LRRC4C: variants seen among roughly 807,000 people sequenced by gnomAD.
LRRC4C encodes the protein leucine rich repeat containing 4C.
LRRC4C carries 5 observed loss-of-function variants against 33.6 expected under a neutral mutation model. That is an observed-to-expected ratio of 0.15 (90% CI 0.08 to 0.31). The LOEUF is 0.31. LRRC4C is among the 10% of genes least tolerant of loss of function. The pLI, the probability that LRRC4C is intolerant of heterozygous loss-of-function variation, is 1.00. For missense variants in LRRC4C, 560 were observed against 796.7 expected, an observed-to-expected ratio of 0.70 and a Z score of 3.58; for synonymous variants, 329 against 302.0, an observed-to-expected ratio of 1.09 and a Z score of -0.93.
intron 2 of LRRC4C, among the ~76,000 whole-genome samples, chr11:40,698,609 T>G (rs1339659433): frequency 1.3e-5 from 2 of 152,004 alleles, no homozygotes; most frequent in Non-Finnish European, 2.9e-5. Flanking sequence ...GGAAGAAAAT[T>G]AAAAAGTCAA....
chr11:40,699,987 C>T (rs530414561), intron 2 of LRRC4C, among the ~76,000 whole-genome samples: 1 of 152,208 alleles, frequency 6.6e-6, no homozygotes, highest in African/African-American at 2.4e-5. Flanking sequence ...TGTTATAATG[C>T]TTTAAAATTC....
intron 3 of LRRC4C, among the ~76,000 whole-genome samples, chr11:40,333,533 A>G (rs935437323): frequency 1.3e-5 from 2 of 151,964 alleles, no homozygotes; most frequent in Non-Finnish European, 2.9e-5. Context: ...CATGGCCAAC[A>G]TGGTGAAATC....
intron 3 of LRRC4C, among the ~76,000 whole-genome samples, chr11:40,363,754 G>A (rs754284983): frequency 1.1e-4 from 17 of 152,146 alleles, no homozygotes; most frequent in African/African-American, 2.6e-4. Context: ...ACACTTGCCC[G>A]GTAATGGCAT....
At chr11:40,636,844 ACT>A (rs1941782592) in intron 3 of LRRC4C, among the ~76,000 whole-genome samples, 1 of 151,820 alleles carries the variant, frequency 6.6e-6, no homozygotes, top group Non-Finnish European at 1.5e-5. Flanking sequence ...ATGTTCACTC[ACT>A]CTGTCTTCTT....
chr11:40,398,990 T>C (rs548542646), intron 3 of LRRC4C, among the ~76,000 whole-genome samples: 3 of 152,114 alleles, frequency 2.0e-5, no homozygotes, highest in Non-Finnish European at 4.4e-5. Flanking sequence ...ATTAACATAC[T>C]GGTGAACAAA....
chr11:41,113,398 T>C (rs1269717133), intron 1 of LRRC4C, among the ~76,000 whole-genome samples: 1 of 152,076 alleles, frequency 6.6e-6, no homozygotes, highest in Admixed American at 6.6e-5. Flanking sequence ...TGAGTTTACA[T>C]TAAGCAGCAT....
rs189266267 is a variant in LRRC4C, at chr11:40,490,322, C to G, written c.-270+157820G>C. Reference sequence around the variant, plus strand: ...CATCTGCCTTTTCACCACTCTTGCACCTAAAGCCATCACCTTATATTAGTG... The same window carrying G: ...CATCTGCCTTTTCACCACTCTTGCAGCTAAAGCCATCACCTTATATTAGTG... On this transcript the variant is annotated intron_variant, in intron 3 of 6. Transcript: ENST00000528697. Among the ~76,000 whole-genome samples the G allele has an allele frequency of 1.1e-3, 165 of 152,162 alleles. 2 individuals are homozygous for G. In the Middle Eastern group the frequency reaches 0.017, roughly 16 times the overall value.
intron 3 of LRRC4C, among the ~76,000 whole-genome samples, chr11:40,623,296 T>C (rs1330016945): frequency 2.0e-5 from 3 of 152,090 alleles, no homozygotes; most frequent in Middle Eastern, 3.4e-3. Flanking sequence ...GAAATTTCAT[T>C]AAATAAGAGT....
rs768798391 is a variant in LRRC4C, at chr11:40,803,497, AT to A, written c.-407+130137del. ...AGAAATTGGTTCAATAAAATGCATC[AT>A]CTAACTTAATCCATTGAGAATAAGG... On this transcript the variant is annotated intron_variant, in intron 2 of 6. Transcript: ENST00000528697. Among the ~76,000 whole-genome samples the A allele has an allele frequency of 8.5e-5, 13 of 152,302 alleles. No individual in the cohort carries two copies. The East Asian group carries it at 1.9e-3, about 23-fold the overall frequency.
At chr11:40,630,996 A>G (rs1963438154) in intron 3 of LRRC4C, among the ~76,000 whole-genome samples, 1 of 152,192 alleles carries the variant, frequency 6.6e-6, no homozygotes, top group Non-Finnish European at 1.5e-5. Context: ...TTCAGTGTGA[A>G]ATAATGACAT....
intron 4 of LRRC4C, among the ~76,000 whole-genome samples, chr11:40,315,566 C>T (rs970167512): frequency 6.6e-6 from 1 of 151,926 alleles, no homozygotes; most frequent in Non-Finnish European, 1.5e-5. Context: ...AGAGCAGCAG[C>T]ATTGTGAAAC....
intron 3 of LRRC4C, among the ~76,000 whole-genome samples, chr11:40,453,181 TA>T (rs34916679): frequency 5.9e-5 from 9 of 151,842 alleles, no homozygotes; most frequent in Non-Finnish European, 1.3e-4. Context: ...TAAAGTATAA[TA>T]AAAAAATGTT....
intron 1 of LRRC4C, among the ~76,000 whole-genome samples, chr11:41,003,001 T>G (rs1425457944): frequency 1.3e-5 from 2 of 152,184 alleles, no homozygotes; most frequent in Non-Finnish European, 1.5e-5. Flanking sequence ...TACATTATAG[T>G]TATGTATGTG....
chr11:40,929,116 T>C (rs1413361964), intron 2 of LRRC4C, among the ~76,000 whole-genome samples: 2 of 152,196 alleles, frequency 1.3e-5, no homozygotes, highest in Admixed American at 6.5e-5. Context: ...TCCAATTCTA[T>C]TGGTATTAGA....
intron 1 of LRRC4C, among the ~76,000 whole-genome samples, chr11:41,171,175 C>T (rs2136095586): frequency 6.6e-6 from 1 of 152,118 alleles, no homozygotes; most frequent in Middle Eastern, 3.4e-3. Flanking sequence ...ACTAGTTCAA[C>T]CATTGTGGAA....
At chr11:41,298,368 A>T (rs191177953) in intron 1 of LRRC4C, among the ~76,000 whole-genome samples, 1 of 152,058 alleles carries the variant, frequency 6.6e-6, no homozygotes, top group Admixed American at 6.5e-5. Context: ...ATTAGACAGA[A>T]ATGTGTCACA....
At chr11:40,281,443 T>C (rs947010827) in intron 4 of LRRC4C, among the ~76,000 whole-genome samples, 3 of 152,142 alleles carry the variant, frequency 2.0e-5, no homozygotes, top group Admixed American at 6.5e-5. Context: ...CCGCAAACTC[T>C]TTCTCAATCT....
At chr11:40,864,486 G>A (rs978094146) in intron 2 of LRRC4C, among the ~76,000 whole-genome samples, 1 of 152,172 alleles carries the variant, frequency 6.6e-6, no homozygotes, top group Admixed American at 6.5e-5. Context: ...CTGAGTAGTT[G>A]AGACAGAGAA....
chr11:40,486,086 A>C (rs1203009513), intron 3 of LRRC4C, among the ~76,000 whole-genome samples: 1 of 150,670 alleles, frequency 6.6e-6, no homozygotes, highest in Non-Finnish European at 1.5e-5. Flanking sequence ...TATACAATAA[A>C]CCCCCATGAC....
Sources: gnomAD v4.1 joint callset for allele counts (sites outside exome capture counted in the v4.1 genomes callset) on GRCh38, gnomAD v4.1.1 for gene constraint, MANE v1.5 for transcripts, NCBI Gene and HGNC (gene_info 2026-07-23, HGNC 2026-07-21) for gene names.